Variants in CECR2 observed in about 807,000 individuals in gnomAD.
The protein encoded by CECR2 is chromatin remodeling regulator CECR2.
Under a neutral mutation model 154.5 loss-of-function variants are expected in CECR2, and 30 were observed. The observed-to-expected ratio is 0.19, with a 90% confidence interval of 0.15 to 0.26. The LOEUF is 0.26. CECR2 is among the 10% of genes least tolerant of loss of function. The probability of loss-of-function intolerance (pLI) is 1.00; values close to 1 mark genes in which losing one functional copy is unlikely to be tolerated. For synonymous variants in CECR2, 725 were observed against 683.7 expected (o/e 1.06, Z -0.94); for missense variants, 1,743 against 1,829.3 (o/e 0.95, Z 0.86).
chr22:17,515,911 G>A (rs1318216391), intron 8 of CECR2, among the ~76,000 whole-genome samples: 2 of 152,086 alleles, frequency 1.3e-5, no homozygotes, highest in Non-Finnish European at 2.9e-5. Context: ...TCCTGACCTC[G>A]TGATCCACCC....
chr22:17,446,212 T>C (rs1208351188), intron 1 of CECR2, among the ~76,000 whole-genome samples: 1 of 152,198 alleles, frequency 6.6e-6, no homozygotes, highest in Non-Finnish European at 1.5e-5. Context: ...TTATTTTAGC[T>C]ACACTTAAAA....
At chr22:17,453,399 G>A (rs566561371) in intron 1 of CECR2, among the ~76,000 whole-genome samples, 2 of 152,082 alleles carry the variant, frequency 1.3e-5, no homozygotes, top group African/African-American at 2.4e-5. Flanking sequence ...TCGAGATTGC[G>A]CCATTGCACT....
At chr22:17,453,304 C>T (rs1412679339) in intron 1 of CECR2, among the ~76,000 whole-genome samples, 2 of 151,990 alleles carry the variant, frequency 1.3e-5, no homozygotes, top group African/African-American at 2.4e-5. Flanking sequence ...TAACTGGACA[C>T]GGTGGCGTAT....
chr22:17,518,676 T>C (rs552749010), intron 8 of CECR2: 13 of 445,590 alleles, frequency 2.9e-5, no homozygotes, highest in East Asian at 7.4e-5. Flanking sequence ...CCAGGTCTTA[T>C]TGATGAATTA....
chr22:17,457,320 C>G (rs2054869850), intron 1 of CECR2, among the ~76,000 whole-genome samples: 2 of 152,234 alleles, frequency 1.3e-5, no homozygotes. Flanking sequence ...AGCCACTGCG[C>G]CTGGCCTATA....
rs10694414 is a variant in CECR2 at position 17,435,684 on chromosome 22, T to TAAA, written c.127-41880_127-41878dup. On this transcript the variant is annotated intron_variant, in intron 1 of 18. Transcript: ENST00000262608. ...GACTCCCTTGAGCTCTTTTAATTCT[T>TAAA]AAAAAAAAAAAAAAAAAAAAAAAAA... 5.2e-3 allele frequency among the ~76,000 whole-genome samples: 475 copies of TAAA among 90,924 alleles called. 13 individuals are homozygous for TAAA. The highest frequency in any genetic ancestry group is 0.022 in the East Asian group (62 of 2,758). The allele number at this position is 90,924 out of a possible 152,430, so 59.6% of individuals were successfully genotyped here. A position where few individuals can be genotyped will look rare whatever the true frequency, so the allele number is the denominator to read the frequency against.
Position 17,553,327 on chromosome 22 carries a change from G to A in CECR2, c.*487G>A, listed in dbSNP as rs1416357220. 2 of 151,766 alleles carry A rather than the reference G, an allele frequency of 1.3e-5. No individual in the cohort carries two copies. The highest frequency in any genetic ancestry group is 2.4e-5 in the African/African-American group (1 of 40,916). 9.4% of individuals were successfully genotyped at this position (151,766 alleles called of 1,614,324 possible). A position where few individuals can be genotyped will look rare whatever the true frequency, so the allele number is the denominator to read the frequency against. ...TTGCCTTTTAAAATAATTTTTGTTG[G>A]TGGTGAATGTATTGTACATAAAGTG... On this transcript the variant is annotated 3_prime_UTR_variant, in exon 19 of 19. Transcript: ENST00000262608.
At chr22:17,467,404 G>A (rs903723647) in intron 1 of CECR2, among the ~76,000 whole-genome samples, 2 of 152,154 alleles carry the variant, frequency 1.3e-5, no homozygotes, top group African/African-American at 2.4e-5. Context: ...GCATCACAGT[G>A]ATAACAAAGG....
chr22:17,389,002 G>A (rs774630104), intron 1 of CECR2, among the ~76,000 whole-genome samples: 6 of 151,866 alleles, frequency 4.0e-5, no homozygotes, highest in Non-Finnish European at 1.5e-5. Context: ...TAGTAGAGAC[G>A]GGGTTTCACC....
At chr22:17,372,172 A>G (rs1337157341) in intron 1 of CECR2, among the ~76,000 whole-genome samples, 1 of 152,212 alleles carries the variant, frequency 6.6e-6, no homozygotes, top group Non-Finnish European at 1.5e-5. Flanking sequence ...AGGTTTTAAG[A>G]ACTATCCACA....
chr22:17,506,722 T>C (rs75806599), intron 7 of CECR2, among the ~76,000 whole-genome samples: 13,546 of 152,144 alleles, frequency 0.089, 2,044 homozygotes, highest in African/African-American at 0.31. Flanking sequence ...GGCACAATCT[T>C]GGCCCCCCGC....
intron 8 of CECR2, among the ~76,000 whole-genome samples, chr22:17,512,611 G>A (rs1159335493): frequency 6.6e-6 from 1 of 151,432 alleles, no homozygotes; most frequent in Non-Finnish European, 1.5e-5. Flanking sequence ...GCTGAAGCAG[G>A]AGAATTGCTT....
chr22:17,552,840 G>C lies in CECR2; in HGVS notation c.4395G>C (p.Ter1465TyrextTer46). 7.0e-7 allele frequency: 1 copy of C among 1,432,614 alleles called. No homozygotes were observed. The highest frequency in any genetic ancestry group is 9.3e-7 in the Non-Finnish European group (1 of 1,079,408). 88.7% of individuals were successfully genotyped at this position (1,432,614 alleles called of 1,614,324 possible). Residue 1465 changes from the stop codon to tyrosine (Y), a stop_lost, in exon 19 of 19, where the codon TAG becomes TAC. Coordinates refer to ENST00000262608, the MANE Select transcript of CECR2 (RefSeq NM_001290047.2). ...KPPTLPLDQS[*>Y] The stretch of plus-strand genomic sequence containing the variant: ...AATGTCTTTGTTTCTTTCAGAGCTA[G>C]TCCAAGGAGGAAATGAGCCCCAAGC...
intron 1 of CECR2, among the ~76,000 whole-genome samples, chr22:17,417,019 CTTTTTT>C (rs11306557): frequency 1.4e-5 from 2 of 142,178 alleles, no homozygotes; most frequent in Admixed American, 7.0e-5. Context: ...TTGTCAGATT[CTTTTTT>C]TTTTTTTTTT....
chr22:17,392,620 T>G (rs1195273747), intron 1 of CECR2, among the ~76,000 whole-genome samples: 1 of 151,958 alleles, frequency 6.6e-6, no homozygotes, highest in East Asian at 1.9e-4. Context: ...AGATGGAGGT[T>G]GCAGTGAGCC....
intron 2 of CECR2, among the ~76,000 whole-genome samples, chr22:17,480,459 C>CACACACACACACAGAGAG (rs373106595): frequency 7.0e-5 from 10 of 143,740 alleles, no homozygotes; most frequent in Admixed American, 1.4e-4. Context: ...CACACACACA[C>CACACACACACACAGAGAG]AGAGAAAAGT....
chr22:17,414,549 G>C (rs571722867), intron 1 of CECR2, among the ~76,000 whole-genome samples: 1 of 147,732 alleles, frequency 6.8e-6, no homozygotes, highest in African/African-American at 2.5e-5. Context: ...AAGTTCTAGG[G>C]TACATGTGCA....
At chr22:17,361,085 CCCACGAG>C (rs2062974422) in intron 1 of CECR2, among the ~76,000 whole-genome samples, 1 of 152,132 alleles carries the variant, frequency 6.6e-6, no homozygotes, top group Admixed American at 6.6e-5. Context: ...ATCACTTGAG[CCCACGAG>C]GTGGAGGTTG....
Position 17,540,780 on chromosome 22 carries a change from G to C in CECR2, c.1864G>C (p.Ala622Pro). 3.8e-6 allele frequency: 6 copies of C among 1,581,364 alleles called. No individual in the cohort carries two copies. Among genetic ancestry groups the C allele is most frequent in the Non-Finnish European group, 5.2e-6 (6 of 1,163,266 alleles). Residue 622 changes from alanine (A) to proline (P), a missense_variant, in exon 14 of 19, where the codon GCA becomes CCA. Transcript: ENST00000262608. Reference protein sequence around the residue: ...PLHCGGTPSQAPFLNQMRPAV... With the variant: ...PLHCGGTPSQPPFLNQMRPAV... ...GCATTGTGGTGGGACACCCAGCCAG[G>C]CACCCTTTTTAAACCAGATGGTAAG...
Sources: allele counts gnomAD v4.1 joint callset (sites outside exome capture counted in the v4.1 genomes callset), GRCh38; gene constraint gnomAD v4.1.1; transcripts MANE v1.5; gene names NCBI Gene and HGNC (gene_info 2026-07-23, HGNC 2026-07-21).